Variants in LOXL2 observed in about 807,000 individuals in gnomAD.
LOXL2 encodes lysyl oxidase homolog 2.
In LOXL2, 70 loss-of-function variants were observed where a neutral mutation model predicts 93.0. The observed-to-expected ratio is 0.75, with a 90% CI of 0.62 to 0.92. LOXL2 has a LOEUF of 0.92. LOXL2 is among the 40% of genes least tolerant of loss of function. The pLI is 0.00. For missense variants in LOXL2, 973 were observed against 1,054.9 expected (o/e 0.92, Z 1.08); for synonymous variants, 438 against 413.2 (o/e 1.06, Z -0.73).
At chr8:23,327,744 T>A (rs1803603947) in intron 6 of LOXL2, among the ~76,000 whole-genome samples, 2 of 152,152 alleles carry the variant, frequency 1.3e-5, no homozygotes, top group Admixed American at 6.5e-5. Flanking sequence ...AATGACCTCT[T>A]CTGTGTCGTC....
At chr8:23,343,407 G>A (rs768700317) in intron 3 of LOXL2, among the ~76,000 whole-genome samples, 9 of 152,226 alleles carry the variant, frequency 5.9e-5, no homozygotes, top group Non-Finnish European at 1.0e-4. Context: ...ACCCCGAGGT[G>A]CAGTGGAAGA....
intron 1 of LOXL2, among the ~76,000 whole-genome samples, chr8:23,396,712 A>G (rs748810006): frequency 6.6e-6 from 1 of 152,204 alleles, no homozygotes; most frequent in Non-Finnish European, 1.5e-5. Context: ...AAACCCCCTC[A>G]TGGTAGAGAA....
chr8:23,356,960 C>G (rs1804210848), intron 3 of LOXL2, among the ~76,000 whole-genome samples: 1 of 152,198 alleles, frequency 6.6e-6, no homozygotes, highest in African/African-American at 2.4e-5. Flanking sequence ...TATCCCAAAC[C>G]AGCAGGTACC....
intron 3 of LOXL2, among the ~76,000 whole-genome samples, chr8:23,349,601 C>T (rs1804057358): frequency 6.6e-6 from 1 of 151,880 alleles, no homozygotes; most frequent in African/African-American, 2.4e-5. Flanking sequence ...TTCTTTATTC[C>T]TCCAGCACTG....
intron 1 of LOXL2, among the ~76,000 whole-genome samples, chr8:23,369,941 G>A (rs1804470106): frequency 6.6e-6 from 1 of 152,124 alleles, no homozygotes. Flanking sequence ...AGAAGAGGCA[G>A]GTATTATTAG....
chr8:23,354,864 T>C (rs1479592812), intron 3 of LOXL2, among the ~76,000 whole-genome samples: 1 of 150,688 alleles, frequency 6.6e-6, no homozygotes, highest in Non-Finnish European at 1.5e-5. Context: ...CTATCTACTG[T>C]GGGGCTTCCA....
At chr8:23,302,584 C>A (rs1803154761) in intron 11 of LOXL2, among the ~76,000 whole-genome samples, 1 of 152,204 alleles carries the variant, frequency 6.6e-6, no homozygotes, top group Admixed American at 6.5e-5. Context: ...TACATGTTAT[C>A]TGCACATGGT....
intron 12 of LOXL2, among the ~76,000 whole-genome samples, chr8:23,301,517 G>A (rs1216285795): frequency 3.3e-5 from 5 of 152,158 alleles, no homozygotes; most frequent in African/African-American, 1.2e-4. Flanking sequence ...ATTGAGAATG[G>A]CCCCTTCTGC....
intron 3 of LOXL2, among the ~76,000 whole-genome samples, chr8:23,345,148 C>G (rs532403342): frequency 1.3e-5 from 2 of 152,348 alleles, no homozygotes; most frequent in East Asian, 1.9e-4. Context: ...CATGATAAAT[C>G]TTGGCAAGCT....
chr8:23,377,511 A>T (rs9774252), intron 1 of LOXL2, among the ~76,000 whole-genome samples: 2 of 124,110 alleles, frequency 1.6e-5, no homozygotes, highest in East Asian at 2.6e-4. Context: ...TTTCTGTCTC[A>T]CTGATCTGTC....
intron 7 of LOXL2, among the ~76,000 whole-genome samples, chr8:23,320,885 G>A (rs192691065): frequency 1.6e-4 from 20 of 124,016 alleles, no homozygotes; most frequent in Admixed American, 1.5e-3. Context: ...TCCAGCTTGG[G>A]CAACAGAGCA....
intron 5 of LOXL2, chr8:23,331,917 T>C (rs904740450): frequency 1.3e-5 from 2 of 151,002 alleles, no homozygotes; most frequent in Non-Finnish European, 2.9e-5. Context: ...GTGCCTGTCA[T>C]CTCAGCTACT....
chr8:23,367,396 C>T (rs560322105), intron 2 of LOXL2, among the ~76,000 whole-genome samples: 1 of 152,250 alleles, frequency 6.6e-6, no homozygotes, highest in South Asian at 2.1e-4. Flanking sequence ...TTGAACCTCA[C>T]AAGGGAGGAA....
At chr8:23,402,630 A>G (rs1038615987) in intron 1 of LOXL2, 2 of 152,098 alleles carry the variant, frequency 1.3e-5, no homozygotes, top group East Asian at 1.9e-4. Context: ...AATTCATTCC[A>G]CCAAAGATGA....
intron 1 of LOXL2, among the ~76,000 whole-genome samples, chr8:23,383,434 T>C (rs1804707490): frequency 6.6e-6 from 1 of 152,186 alleles, no homozygotes; most frequent in Admixed American, 6.5e-5. Flanking sequence ...TAGAACCTGA[T>C]TGTGGAGCTC....
chr8:23,322,277 G>A lies in LOXL2; in HGVS notation c.1155C>T (p.Ile385=), dbSNP rs199848147. ...GGATCTCGTTGAGGTGGATGGGTCC[G>A]ATCCCTGCAAGGGGAGAATAAACAT... is the stretch of plus-strand genomic sequence containing the variant. ...AVTGSRLGQG[I]GPIHLNEIQC... Residue 385 remains isoleucine, a synonymous_variant, in exon 7 of 14, where the codon ATC becomes ATT. Coordinates refer to ENST00000389131, the MANE Select transcript of LOXL2 (RefSeq NM_002318.3). The A allele has an allele frequency of 2.9e-5, 46 of 1,613,742 alleles. No individual in the cohort carries two copies. The highest frequency in any genetic ancestry group is 3.6e-5 in the Non-Finnish European group (42 of 1,179,852).
At chr8:23,354,003 C>T (rs1047533975) in intron 3 of LOXL2, among the ~76,000 whole-genome samples, 7 of 152,032 alleles carry the variant, frequency 4.6e-5, no homozygotes, top group Non-Finnish European at 8.8e-5. Flanking sequence ...ATCAGGAGCC[C>T]CCAAGGATGC....
At chr8:23,375,127 G>T (rs1224964209) in intron 1 of LOXL2, among the ~76,000 whole-genome samples, 1 of 152,012 alleles carries the variant, frequency 6.6e-6, no homozygotes, top group Non-Finnish European at 1.5e-5. Flanking sequence ...TTTGTATAAG[G>T]TGTAACGAAG....
At chr8:23,364,159 A>C (rs1004693142) in intron 2 of LOXL2, 1 of 151,896 alleles carries the variant, frequency 6.6e-6, no homozygotes, top group Non-Finnish European at 1.5e-5. Flanking sequence ...TACAGGCATG[A>C]GCCACTGCAA....
Sources: allele counts gnomAD v4.1 joint callset (sites outside exome capture counted in the v4.1 genomes callset), GRCh38; gene constraint gnomAD v4.1.1; transcripts MANE v1.5; gene names NCBI Gene and HGNC (gene_info 2026-07-23, HGNC 2026-07-21).